CAGE1: variants seen among roughly 807,000 people sequenced by gnomAD.
CAGE1 encodes the protein cancer-associated gene 1 protein.
Under a neutral mutation model 94.9 loss-of-function variants are expected in CAGE1, and 66 were observed. The observed-to-expected ratio is 0.70, with a 90% CI of 0.57 to 0.85. The LOEUF (loss-of-function observed/expected upper bound fraction) is 0.85. CAGE1 is among the 40% of genes least tolerant of loss of function. The pLI is 0.00. For synonymous variants in CAGE1, 319 were observed against 321.0 expected (o/e 0.99, Z 0.07); for missense variants, 865 against 950.4 (o/e 0.91, Z 1.18).
intron 7 of CAGE1, among the ~76,000 whole-genome samples, chr6:7,368,414 A>C (rs1760425335): frequency 6.6e-6 from 1 of 152,172 alleles, no homozygotes; most frequent in Admixed American, 6.5e-5. Context: ...CAAAATAAAC[A>C]ACCCTTCAGG....
intron 4 of CAGE1, among the ~76,000 whole-genome samples, 164 bp downstream of exon 4, chr6:7,378,451 TTA>T (rs34451165): frequency 1.3e-4 from 19 of 149,674 alleles, no homozygotes; most frequent in East Asian, 1.9e-4. Flanking sequence ...AAGTCTCAGA[TTA>T]TATATATATA....
chr6:7,345,217 A>AT (rs376473315), intron 11 of CAGE1, among the ~76,000 whole-genome samples: 7,150 of 150,508 alleles, frequency 0.048, 289 homozygotes, highest in African/African-American at 0.11. Context: ...TGAAGTTAGT[A>AT]TAAGCTACCA....
intron 6 of CAGE1, 50 bp downstream of exon 6, chr6:7,369,869 C>A (rs1381785580): frequency 2.6e-6 from 4 of 1,510,228 alleles, no homozygotes; most frequent in Non-Finnish European, 3.6e-6. Context: ...TGTCCAACCC[C>A]AGTATTTATT....
chr6:7,389,455 C>A lies in CAGE1; in HGVS notation c.-277G>T, dbSNP rs943062029. On this transcript the variant is annotated 5_prime_UTR_variant, in exon 1 of 14. Transcript: ENST00000502583. ...GCCCCTGTGTGACGTCCGCCCGCGC[C>A]GGGGGAACTCCGCAGAGACAGGTGC... 7.4e-6 allele frequency: 3 copies of A among 404,954 alleles called. No individual in the cohort carries two copies. The highest frequency in any genetic ancestry group is 4.1e-5 in the African/African-American group (2 of 48,326). 25.1% of individuals were successfully genotyped at this position (404,954 alleles called of 1,614,324 possible). A position where few individuals can be genotyped will look rare whatever the true frequency, so the allele number is the denominator to read the frequency against.
intron 12 of CAGE1, among the ~76,000 whole-genome samples, chr6:7,333,729 C>T (rs975688992): frequency 2.0e-5 from 3 of 148,684 alleles, no homozygotes; most frequent in African/African-American, 7.4e-5. Context: ...AGTGCAGTGG[C>T]ACGATCTCGG....
chr6:7,371,531 C>T (rs1760538951), intron 5 of CAGE1, among the ~76,000 whole-genome samples: 1 of 151,984 alleles, frequency 6.6e-6, no homozygotes, highest in African/African-American at 2.4e-5. Flanking sequence ...GCTTGTAATC[C>T]CAACACTTTG....
intron 11 of CAGE1, among the ~76,000 whole-genome samples, chr6:7,352,793 G>A (rs1208100158): frequency 2.6e-5 from 4 of 152,148 alleles, no homozygotes; most frequent in Non-Finnish European, 4.4e-5. Context: ...ATAAAGTGGG[G>A]AAAGGACACC....
chr6:7,345,234 CAAG>C (rs755201481), intron 11 of CAGE1, among the ~76,000 whole-genome samples: 1 of 148,602 alleles, frequency 6.7e-6, no homozygotes, highest in South Asian at 2.1e-4. Flanking sequence ...ACCAGCCTAC[CAAG>C]AAGAAGGAAC....
chr6:7,386,350 T>G (rs1160013947), intron 2 of CAGE1, among the ~76,000 whole-genome samples: 1 of 152,212 alleles, frequency 6.6e-6, no homozygotes, highest in Non-Finnish European at 1.5e-5. Context: ...ATGAAGATAT[T>G]GGGACATTAC....
intron 11 of CAGE1, among the ~76,000 whole-genome samples, chr6:7,345,555 C>G (rs1378396109): frequency 6.6e-6 from 1 of 152,226 alleles, no homozygotes; most frequent in Non-Finnish European, 1.5e-5. Context: ...AAGTAGTTTT[C>G]TTTCAGCCTT....
rs1760613801 is a variant in CAGE1, at chr6:7,373,278, G to A, written c.1541C>T (p.Thr514Ile). The change falls in exon 5 of 14, where the codon ACT becomes ATT. Residue 514 changes from threonine to isoleucine, a missense_variant. Transcript: ENST00000502583. ...KLKSRLEKLL[T>I]QVRNLQFMSE... Reference sequence around the variant, plus strand: ...CATAAATTGCAAATTTCTAACTTGAGTGAGCAATTTCTCAAGTCTAGATTT... The same window carrying A: ...CATAAATTGCAAATTTCTAACTTGAATGAGCAATTTCTCAAGTCTAGATTT... 6.2e-7 allele frequency: 1 copy of A among 1,603,150 alleles called. No individual in the cohort carries two copies. The highest frequency in any genetic ancestry group is 8.5e-7 in the Non-Finnish European group (1 of 1,174,014).
intron 13 of CAGE1, chr6:7,329,161 G>A (rs1188352416): frequency 2.6e-6 from 1 of 388,304 alleles, no homozygotes; most frequent in East Asian, 3.7e-5. Flanking sequence ...TTGAACTCCT[G>A]AACTCAAGTG....
chr6:7,345,140 A>T (rs940695846), intron 11 of CAGE1, among the ~76,000 whole-genome samples: 3 of 42,094 alleles, frequency 7.1e-5, no homozygotes, highest in Non-Finnish European at 1.3e-4. Context: ...TATTGCTTTT[A>T]GGAGCTAGGT....
chr6:7,378,056 A>G (rs1400326019), intron 4 of CAGE1, among the ~76,000 whole-genome samples: 1 of 152,178 alleles, frequency 6.6e-6, no homozygotes, highest in Non-Finnish European at 1.5e-5. Flanking sequence ...CCTCTTCTTG[A>G]CCTTTCCATC....
At chr6:7,347,146 C>T (rs1759578184) in intron 11 of CAGE1, among the ~76,000 whole-genome samples, 1 of 152,012 alleles carries the variant, frequency 6.6e-6, no homozygotes, top group African/African-American at 2.4e-5. Flanking sequence ...TGGAGGCTCG[C>T]GTCATGAATT....
chr6:7,342,155 G>T, intron 11 of CAGE1: 1 of 1,017,002 alleles, frequency 9.8e-7, no homozygotes, highest in South Asian at 1.3e-5. Flanking sequence ...TGGGGAACTG[G>T]ATCAGGCTGC....
At chr6:7,328,928 A>ATTTTTT (rs1471133909) in intron 13 of CAGE1, among the ~76,000 whole-genome samples, 1 of 88,944 alleles carries the variant, frequency 1.1e-5, no homozygotes, top group Admixed American at 1.1e-4. Context: ...GTATATATAT[A>ATTTTTT]TATATATTTT....
At chr6:7,377,638 G>T (rs1266274264) in intron 4 of CAGE1, among the ~76,000 whole-genome samples, 1 of 152,188 alleles carries the variant, frequency 6.6e-6, no homozygotes, top group Admixed American at 6.5e-5. Context: ...TCAGAAGGCT[G>T]CAGCAGGACA....
At chr6:7,346,571 G>A (rs1229401089) in intron 11 of CAGE1, among the ~76,000 whole-genome samples, 2 of 150,440 alleles carry the variant, frequency 1.3e-5, no homozygotes, top group Non-Finnish European at 3.0e-5. Flanking sequence ...AGTTAGCTGG[G>A]CACGGTGGTT....
Sources: gnomAD v4.1 joint callset for allele counts (sites outside exome capture counted in the v4.1 genomes callset) on GRCh38, gnomAD v4.1.1 for gene constraint, MANE v1.5 for transcripts, NCBI Gene and HGNC (gene_info 2026-07-23, HGNC 2026-07-21) for gene names.